ZCCHC24: variants seen among roughly 807,000 people sequenced by gnomAD.
The protein encoded by ZCCHC24 is zinc finger CCHC-type containing 24.
Under a neutral mutation model 26.2 loss-of-function variants are expected in ZCCHC24, and 10 were observed. The observed-to-expected ratio is 0.38, with a 90% CI of 0.24 to 0.65. ZCCHC24 has a LOEUF of 0.65. ZCCHC24 is among the 30% of genes least tolerant of loss of function. The probability of loss-of-function intolerance (pLI) is 0.54; values close to 1 mark genes in which losing one functional copy is unlikely to be tolerated. For synonymous variants in ZCCHC24, 144 were observed against 147.1 expected (o/e 0.98, Z 0.15); for missense variants, 243 against 329.1 (o/e 0.74, Z 2.03).
At position 79,384,723 on chromosome 10, in the gene ZCCHC24, A is replaced by G. The variant is rs1433510373; in HGVS notation, c.*1622T>C. 6.5e-6 allele frequency: 1 copy of G among 152,722 alleles called. No homozygotes were observed. Among genetic ancestry groups the G allele is most frequent in the East Asian group, 1.9e-4 (1 of 5,328 alleles). The allele number at this position is 152,722 out of a possible 1,614,324, so 9.5% of individuals were successfully genotyped here. ...TCACTGTAACTCCTCAGTTGTACAA[A>G]GCATTTTCATTTGAATACAAAAGGC... On this transcript the variant is annotated 3_prime_UTR_variant, in exon 4 of 4. Transcript: ENST00000372336.
At chr10:79,404,487 C>T (rs968859248) in intron 2 of ZCCHC24, among the ~76,000 whole-genome samples, 1 of 152,124 alleles carries the variant, frequency 6.6e-6, no homozygotes, top group Non-Finnish European at 1.5e-5. Context: ...ACAGAGGTTT[C>T]CTCCGCCACT....
intron 3 of ZCCHC24, among the ~76,000 whole-genome samples, chr10:79,387,633 G>T (rs966940122): frequency 1.4e-4 from 9 of 62,364 alleles, no homozygotes; most frequent in Non-Finnish European, 2.1e-4. Context: ...CCCAGGAGAG[G>T]GGGCAGAACC....
chr10:79,433,738 A>C (rs1278454697), intron 1 of ZCCHC24, among the ~76,000 whole-genome samples: 2 of 152,136 alleles, frequency 1.3e-5, no homozygotes, highest in African/African-American at 4.8e-5. Context: ...CTTGTGTCTG[A>C]TGGGGAGACA....
chr10:79,399,127 G>A (rs899026801), intron 2 of ZCCHC24, among the ~76,000 whole-genome samples: 13 of 152,198 alleles, frequency 8.5e-5, no homozygotes, highest in Admixed American at 6.5e-4. Flanking sequence ...CTCGGTAGAG[G>A]TGGCCTACAG....
intron 1 of ZCCHC24, among the ~76,000 whole-genome samples, chr10:79,437,619 C>T (rs772827560): frequency 6.6e-6 from 1 of 152,144 alleles, no homozygotes; most frequent in Non-Finnish European, 1.5e-5. Context: ...ATGCCAGGTG[C>T]GGACCACTCT....
chr10:79,421,549 C>T (rs546901769), intron 2 of ZCCHC24, among the ~76,000 whole-genome samples: 26 of 150,098 alleles, frequency 1.7e-4, no homozygotes, highest in Non-Finnish European at 2.8e-4. Flanking sequence ...TTTGCTAATT[C>T]CACTGTCTAA....
chr10:79,413,163 CT>C (rs1856813987), intron 2 of ZCCHC24, among the ~76,000 whole-genome samples: 1 of 152,274 alleles, frequency 6.6e-6, no homozygotes, highest in Non-Finnish European at 1.5e-5. Context: ...TGACCAGCCT[CT>C]GCCCCTCCCC....
Position 79,445,458 on chromosome 10 carries a change from G to C in ZCCHC24, c.-18C>G. ...AGGCTCATTTTGTGGCGGCGGTGCC[G>C]GCCCCTCCCCGGCCGCCCGCTCGCG... On this transcript the variant is annotated 5_prime_UTR_variant, in exon 1 of 4. Coordinates refer to ENST00000372336, the MANE Select transcript of ZCCHC24 (RefSeq NM_153367.4). 7.2e-7 allele frequency: 1 copy of C among 1,398,224 alleles called. No individual in the cohort carries two copies. Among genetic ancestry groups the C allele is most frequent in the Non-Finnish European group, 9.4e-7 (1 of 1,066,058 alleles). 86.6% of individuals were successfully genotyped at this position (1,398,224 alleles called of 1,614,324 possible). A position where few individuals can be genotyped will look rare whatever the true frequency, so the allele number is the denominator to read the frequency against.
intron 2 of ZCCHC24, among the ~76,000 whole-genome samples, chr10:79,413,779 T>TGTGAGA (rs1365480096): frequency 1.1e-3 from 156 of 146,750 alleles, no homozygotes; most frequent in East Asian, 2.7e-3. Context: ...TGTGTGTGTG[T>TGTGAGA]GAGAGAGAGA....
At chr10:79,416,882 G>C (rs1342473772) in intron 2 of ZCCHC24, among the ~76,000 whole-genome samples, 2 of 152,144 alleles carry the variant, frequency 1.3e-5, no homozygotes, top group Non-Finnish European at 2.9e-5. Flanking sequence ...GCTCAGAGCA[G>C]TGCCCGGAAC....
chr10:79,400,385 A>G (rs1027323464), intron 2 of ZCCHC24, among the ~76,000 whole-genome samples: 3 of 152,228 alleles, frequency 2.0e-5, no homozygotes, highest in African/African-American at 7.2e-5. Flanking sequence ...ATGAATGACA[A>G]TAAAGCCACT....
chr10:79,414,535 A>C (rs77584561), intron 2 of ZCCHC24, among the ~76,000 whole-genome samples: 16,713 of 152,230 alleles, frequency 0.11, 1,390 homozygotes, highest in African/African-American at 0.23. Context: ...GAGGTTGAAC[A>C]TCTGGAACCT....
intron 1 of ZCCHC24, among the ~76,000 whole-genome samples, chr10:79,441,645 G>C (rs768049758): frequency 1.2e-4 from 18 of 152,076 alleles, no homozygotes; most frequent in Non-Finnish European, 2.2e-4. Context: ...GAGTTCTCAG[G>C]GCCTTTCCTG....
chr10:79,410,190 T>G (rs993675745), intron 2 of ZCCHC24, among the ~76,000 whole-genome samples: 20 of 152,246 alleles, frequency 1.3e-4, no homozygotes, highest in Non-Finnish European at 2.9e-4. Flanking sequence ...CAAGTTGTCA[T>G]GTCCTCAGAG....
intron 1 of ZCCHC24, 129 bp downstream of exon 1, chr10:79,445,066 C>CAAGCCGGGCCCGGCAATGCG (rs1857344497): frequency 5.0e-6 from 5 of 1,006,558 alleles, no homozygotes; most frequent in Non-Finnish European, 6.4e-6. Context: ...GAAGCCAAGC[C>CAAGCCGGGCCCGGCAATGCG]AAGCCGGGCC....
chr10:79,441,728 T>G (rs1857293634), intron 1 of ZCCHC24, among the ~76,000 whole-genome samples: 2 of 152,070 alleles, frequency 1.3e-5, no homozygotes, highest in African/African-American at 4.8e-5. Context: ...GACCACAAAG[T>G]CCCTCCCCCA....
chr10:79,438,161 T>G (rs1857240943), intron 1 of ZCCHC24, among the ~76,000 whole-genome samples: 1 of 152,096 alleles, frequency 6.6e-6, no homozygotes, highest in South Asian at 2.1e-4. Flanking sequence ...CTGTAGGGGT[T>G]CCTTTCATCA....
chr10:79,403,819 A>C (rs1179993355), intron 2 of ZCCHC24, among the ~76,000 whole-genome samples: 1 of 152,092 alleles, frequency 6.6e-6, no homozygotes, highest in Non-Finnish European at 1.5e-5. Context: ...AAGTGCAAGG[A>C]ACAATGGGAG....
In ZCCHC24 at chr10:79,394,716, G is replaced by A. The variant is rs530040782; in HGVS notation, c.448-276C>T. On this transcript the variant is annotated intron_variant, in intron 2 of 3. Transcript: ENST00000372336. ...AGATTTAAGGGGTAAAGTACTCAAT[G>A]GTGGCTGGAAATTACTTCCTTAACT... 5.5e-5 allele frequency: 48 copies of A among 879,216 alleles called. No individual in the cohort carries two copies. The African/African-American group carries it at 8.0e-4, about 15-fold the overall frequency. The allele number at this position is 879,216 out of a possible 1,614,324, so 54.5% of individuals were successfully genotyped here. A position where few individuals can be genotyped will look rare whatever the true frequency, so the allele number is the denominator to read the frequency against.
Sources: allele counts gnomAD v4.1 joint callset (sites outside exome capture counted in the v4.1 genomes callset), GRCh38; gene constraint gnomAD v4.1.1; transcripts MANE v1.5; gene names NCBI Gene and HGNC (gene_info 2026-07-23, HGNC 2026-07-21).